The following CMTM4 variants were observed in gnomAD, a reference collection of about 807,000 sequenced individuals.
The protein encoded by CMTM4 is CKLF like MARVEL transmembrane domain containing 4, also known as CKLF-like MARVEL transmembrane domain-containing protein 4.
A neutral mutation model predicts 19.0 loss-of-function variants in CMTM4; 8 were observed. That is an observed-to-expected ratio of 0.42 (90% CI 0.25 to 0.76). The LOEUF (loss-of-function observed/expected upper bound fraction) is 0.76. Among genes scored for constraint, CMTM4 ranks in the 30% least tolerant of loss-of-function variants. CMTM4 has a pLI of 0.27. For missense variants in CMTM4, 228 were observed against 290.2 expected (o/e 0.79, Z 1.56); for synonymous variants, 106 against 121.1 (o/e 0.88, Z 0.82).
Position 66,622,177 on chromosome 16 carries a change from G to A in CMTM4, c.508C>T (p.Leu170=), listed in dbSNP as rs2015650889. Residue 170 remains leucine, a synonymous_variant, in exon 4 of 4, where the codon CTG becomes TTG. Coordinates refer to ENST00000394106, the MANE Select transcript of CMTM4 (RefSeq NM_181521.3). The surrounding 1 kb of genome is among the most constrained non-coding windows in gnomAD (Gnocchi z 4.0). ...ATAAYAVNTF[L]AVQKWRVSVR... is the part of the protein sequence containing the mutation. ...CTGACTCTCCATTTCTGCACTGCCA[G>A]GAATGTGTTCACTGCATATGCCGCA... 1.2e-6 allele frequency: 2 copies of A among 1,614,026 alleles called. No individual in the cohort carries two copies. Among genetic ancestry groups the A allele is most frequent in the South Asian group, 2.2e-5 (2 of 91,012 alleles).
At chr16:66,626,598 T>G (rs760977154) in intron 2 of CMTM4, among the ~76,000 whole-genome samples, 1 of 150,502 alleles carries the variant, frequency 6.6e-6, no homozygotes, top group Non-Finnish European at 1.5e-5. Flanking sequence ...AGAGTGAGAC[T>G]CCCTCTCAAA....
the CMTM4 span, among the ~76,000 whole-genome samples, chr16:66,600,136 G>GGTTTTTTTTTTTT: frequency 2.2e-5 from 3 of 135,166 alleles, no homozygotes; most frequent in African/African-American, 5.8e-5. Flanking sequence ...GTGTGTGTGT[G>GGTTTTTTTTTTTT]TTTTTTTTTG....
chr16:66,644,050 G>A (rs545336457), intron 1 of CMTM4, among the ~76,000 whole-genome samples: 11 of 152,120 alleles, frequency 7.2e-5, no homozygotes, highest in South Asian at 4.1e-4. Context: ...CACCGCCCCC[G>A]GCCAACAGCC....
chr16:66,625,991 C>T (rs1375666699), intron 2 of CMTM4, among the ~76,000 whole-genome samples: 1 of 152,194 alleles, frequency 6.6e-6, no homozygotes, highest in East Asian at 1.9e-4. Flanking sequence ...TATAGCACCA[C>T]ACTGCCCTGA....
intron 1 of CMTM4, among the ~76,000 whole-genome samples, chr16:66,643,118 G>A (rs1229632924): frequency 2.0e-5 from 3 of 152,002 alleles, no homozygotes; most frequent in South Asian, 2.1e-4. Flanking sequence ...ACAGGGTTTC[G>A]TCATGTTGGT....
intron 1 of CMTM4, among the ~76,000 whole-genome samples, chr16:66,683,167 A>ATATATATATG (rs2016958394): frequency 2.4e-5 from 2 of 84,436 alleles, no homozygotes; most frequent in African/African-American, 3.8e-5. Flanking sequence ...ATACGTATAT[A>ATATATATATG]TATATATACA....
At chr16:66,662,760 C>A (rs2016521169) in intron 1 of CMTM4, among the ~76,000 whole-genome samples, 1 of 152,118 alleles carries the variant, frequency 6.6e-6, no homozygotes, top group Non-Finnish European at 1.5e-5. Context: ...TTTTGGGACA[C>A]AGACCCGAAA....
At chr16:66,610,114 C>A, downstream of CMTM4, 1 of 1,402,026 alleles carries the variant, frequency 7.1e-7, no homozygotes, top group Non-Finnish European at 9.8e-7. This position sits in a 1 kb window ranked among gnomAD's most constrained non-coding sequence, Gnocchi z 4.6. Context: ...CTCCCCATGG[C>A]AGGAAGTGTT....
At chr16:66,605,035 C>CG in the CMTM4 span, 2 of 1,238,944 alleles carry the variant, frequency 1.6e-6, no homozygotes, top group Non-Finnish European at 2.1e-6. This position sits in a 1 kb window ranked among gnomAD's most constrained non-coding sequence, Gnocchi z 4.6. Flanking sequence ...GGGTGGGGTC[C>CG]GGGGGCGGCC....
chr16:66,621,968 A>C lies in CMTM4; in HGVS notation c.*90T>G. The C allele has an allele frequency of 4.7e-6, 7 of 1,476,984 alleles. No homozygotes were observed. Among genetic ancestry groups the C allele is most frequent in the South Asian group, 1.3e-5 (1 of 74,736 alleles). The allele number at this position is 1,476,984 out of a possible 1,614,324, so 91.5% of individuals were successfully genotyped here. A position where few individuals can be genotyped will look rare whatever the true frequency, so the allele number is the denominator to read the frequency against. ...TACCAAAGAGGACAAAATTCAACTG[A>C]ATCACATGGAAATCTGACAGGACAA... On this transcript the variant is annotated 3_prime_UTR_variant, in exon 4 of 4. Transcript: ENST00000394106.
At chr16:66,693,998 G>GA (rs1237851431) in intron 1 of CMTM4, among the ~76,000 whole-genome samples, 3 of 151,810 alleles carry the variant, frequency 2.0e-5, no homozygotes, top group Admixed American at 1.3e-4. Flanking sequence ...CTCCAGCCTG[G>GA]GTAACAGAGT....
At chr16:66,600,686 C>T in the CMTM4 span, among the ~76,000 whole-genome samples, 1 of 151,890 alleles carries the variant, frequency 6.6e-6, no homozygotes, top group African/African-American at 2.4e-5. Flanking sequence ...AGCCAGACAT[C>T]TGTTATCTAT....
chr16:66,660,208 T>G (rs1277077400), intron 1 of CMTM4, among the ~76,000 whole-genome samples: 1 of 151,962 alleles, frequency 6.6e-6, no homozygotes, highest in Non-Finnish European at 1.5e-5. Flanking sequence ...GGCAATCTAG[T>G]GAGACTCCAT....
chr16:66,682,459 A>G (rs556077553), intron 1 of CMTM4, among the ~76,000 whole-genome samples: 32 of 152,228 alleles, frequency 2.1e-4, no homozygotes, highest in African/African-American at 7.7e-4. Context: ...TAAATGGGAA[A>G]CCACAAAAAT....
the CMTM4 span, among the ~76,000 whole-genome samples, chr16:66,599,819 A>G: frequency 6.6e-6 from 1 of 152,174 alleles, no homozygotes; most frequent in South Asian, 2.1e-4. Context: ...AAACGAAAAG[A>G]AGCCAGAAAG....
At position 66,622,272 on chromosome 16, in the gene CMTM4, C is replaced by T. The variant is rs746359963; in HGVS notation, c.463-50G>A. 1.3e-6 allele frequency: 2 copies of T among 1,593,096 alleles called. No individual in the cohort carries two copies. Among genetic ancestry groups the T allele is most frequent in the Non-Finnish European group, 1.7e-6 (2 of 1,169,588 alleles). ...TCCTCGGGCACGTGGCCTGGCCCCT[C>T]AAGGCTTCTGTGGTGACCCAAGCCA... On this transcript the variant is annotated intron_variant, in intron 3 of 3. Transcript: ENST00000394106. The surrounding 1 kb of genome is among the most constrained non-coding windows in gnomAD (Gnocchi z 4.0).
chr16:66,612,646 C>A (rs201174505), downstream of CMTM4: 1 of 1,613,788 alleles, frequency 6.2e-7, no homozygotes, highest in East Asian at 2.2e-5. This position sits in a 1 kb window ranked among gnomAD's most constrained non-coding sequence, Gnocchi z 6.0. Flanking sequence ...GAAGGCCTGG[C>A]GGGTGCCTTG....
intron 1 of CMTM4, among the ~76,000 whole-genome samples, chr16:66,665,333 TAAAC>T (rs2016573025): frequency 1.3e-5 from 2 of 149,804 alleles, no homozygotes; most frequent in East Asian, 2.0e-4. Context: ...TGTAAAATGT[TAAAC>T]AATAAAATTC....
rs2015592029 is a variant in CMTM4 at position 66,619,609 on chromosome 16, T to G, written c.*2449A>C. ...GCATATAGAGGCAATATAAGAAAAA[T>G]ATAGGCGTCTTCATATTCACCTTGG... is the stretch of plus-strand genomic sequence containing the variant. On this transcript the variant is annotated 3_prime_UTR_variant, in exon 4 of 4. Transcript: ENST00000394106. 1.0e-6 allele frequency: 1 copy of G among 985,132 alleles called. No homozygotes were observed. Among genetic ancestry groups the G allele is most frequent in the Non-Finnish European group, 1.2e-6 (1 of 829,920 alleles). 61.0% of individuals were successfully genotyped at this position (985,132 alleles called of 1,614,324 possible).
Sources: allele counts gnomAD v4.1 joint callset (sites outside exome capture counted in the v4.1 genomes callset), GRCh38; gene constraint gnomAD v4.1.1; non-coding constraint Gnocchi (gnomAD v3.1); transcripts MANE v1.5; gene names NCBI Gene and HGNC (gene_info 2026-07-23, HGNC 2026-07-21).